The following RASSF5 variants were observed in gnomAD, a reference collection of about 807,000 sequenced individuals.
RASSF5 encodes ras association domain-containing protein 5.
A neutral mutation model predicts 40.5 loss-of-function variants in RASSF5; 25 were observed. That is an observed-to-expected ratio of 0.62 (90% CI 0.45 to 0.86). RASSF5 has a LOEUF of 0.86. Among genes scored for constraint, RASSF5 ranks in the 40% least tolerant of loss-of-function variants. The pLI, the probability that RASSF5 is intolerant of heterozygous loss-of-function variation, is 0.00. For missense variants in RASSF5, 521 were observed against 572.8 expected, an observed-to-expected ratio of 0.91 and a Z score of 0.92; for synonymous variants, 246 against 252.4, an observed-to-expected ratio of 0.97 and a Z score of 0.24.
At chr1:206,566,692 G>A (rs73080948) in intron 2 of RASSF5, among the ~76,000 whole-genome samples, 5,662 of 152,282 alleles carry the variant, frequency 0.037, 116 homozygotes, top group Admixed American at 0.049. Context: ...CTGGGAAGGC[G>A]TGGGTTCAGG....
At chr1:206,508,499 A>T (rs542321838) in intron 1 of RASSF5, among the ~76,000 whole-genome samples, 2 of 152,226 alleles carry the variant, frequency 1.3e-5, no homozygotes, top group African/African-American at 4.8e-5. Flanking sequence ...CTTGCTTATT[A>T]GGGTTACTGA....
At chr1:206,568,763 T>C (rs1049092266) in intron 2 of RASSF5, among the ~76,000 whole-genome samples, 69 of 152,354 alleles carry the variant, frequency 4.5e-4, no homozygotes, top group African/African-American at 1.6e-3. Flanking sequence ...TTTCACTCTT[T>C]GGCTCTCAGA....
rs1400078040 is a variant in RASSF5, at chr1:206,585,181, G to A, written c.990G>A (p.Val330=). Residue 330 remains valine (V), a splice_region_variant and synonymous_variant, in exon 5 of 6, where the codon GTG becomes GTA. Coordinates refer to ENST00000579436, the MANE Select transcript of RASSF5 (RefSeq NM_182663.4). ...LFKRIHKDGQ[V]LFQKLSIADR... is the part of the protein sequence containing the mutation. ...CCAGCACCCTCTCTTGGTTTGCAGT[G>A]CTCTTCCAGAAACTCTCCATTGCTG... 1 of 1,612,944 alleles carries A rather than the reference G, an allele frequency of 6.2e-7. No individual in the cohort carries two copies. Among genetic ancestry groups the A allele is most frequent in the African/African-American group, 1.3e-5 (1 of 74,878 alleles).
intron 2 of RASSF5, among the ~76,000 whole-genome samples, chr1:206,550,022 G>C (rs1369897418): frequency 2.0e-5 from 3 of 152,026 alleles, no homozygotes; most frequent in Non-Finnish European, 2.9e-5. Context: ...CTGTGAACTC[G>C]GGCTGCCTTT....
chr1:206,540,284 G>C (rs1405329809), intron 2 of RASSF5, among the ~76,000 whole-genome samples: 1 of 152,252 alleles, frequency 6.6e-6, no homozygotes, highest in Admixed American at 6.5e-5. Context: ...CCTGGAGTTG[G>C]CTGGATTCGT....
At chr1:206,540,256 C>CA (rs1490932091) in intron 2 of RASSF5, among the ~76,000 whole-genome samples, 1 of 152,220 alleles carries the variant, frequency 6.6e-6, no homozygotes, top group Non-Finnish European at 1.5e-5. Context: ...GTGTGGCAGG[C>CA]AAAAGGCCCA....
chr1:206,581,671 A>G (rs1668885473), intron 2 of RASSF5, among the ~76,000 whole-genome samples: 1 of 150,928 alleles, frequency 6.6e-6, no homozygotes, highest in African/African-American at 2.5e-5. Flanking sequence ...GAAGGAAGGA[A>G]GGAAAGAAAG....
intron 2 of RASSF5, among the ~76,000 whole-genome samples, chr1:206,539,815 A>C (rs1667500853): frequency 6.6e-6 from 1 of 152,204 alleles, no homozygotes. Context: ...AGGAGGTTAC[A>C]TAGTACACCA....
intron 1 of RASSF5, among the ~76,000 whole-genome samples, chr1:206,510,096 A>G (rs1666577132): frequency 6.6e-6 from 1 of 152,202 alleles, no homozygotes; most frequent in South Asian, 2.1e-4. Flanking sequence ...CTGGATGGCA[A>G]AAGTTGAGAA....
In RASSF5 at chr1:206,534,920, C is replaced by G. The variant is rs1228534991; in HGVS notation, c.458-3252C>G. Among the ~76,000 whole-genome samples the G allele has an allele frequency of 2.0e-5, 3 of 152,170 alleles. No homozygotes were observed. In the South Asian group the frequency reaches 6.2e-4, roughly 32 times the overall value. ...TCCACCCAGAGTTTCACTTTTCCCT[C>G]CCTCCTTCCTCATCCAAACTGAGCA... On this transcript the variant is annotated intron_variant, in intron 1 of 5. Transcript: ENST00000579436.
chr1:206,514,385 G>A (rs1666697875), intron 1 of RASSF5, among the ~76,000 whole-genome samples: 1 of 152,234 alleles, frequency 6.6e-6, no homozygotes, highest in African/African-American at 2.4e-5. Context: ...AATGCAAGAT[G>A]TGCATGCTGA....
chr1:206,524,639 ATATATAT>A (rs1218396355), intron 1 of RASSF5, among the ~76,000 whole-genome samples: 95 of 138,068 alleles, frequency 6.9e-4, no homozygotes, highest in Admixed American at 1.7e-3. Flanking sequence ...AATATATAAA[ATATATAT>A]TATATATTAT....
intron 2 of RASSF5, among the ~76,000 whole-genome samples, chr1:206,549,924 C>T (rs766478643): frequency 1.3e-5 from 2 of 152,198 alleles, no homozygotes; most frequent in Non-Finnish European, 2.9e-5. Context: ...CCCATGCACA[C>T]ACCGATCAGT....
At chr1:206,566,667 G>A (rs1251442553) in intron 2 of RASSF5, among the ~76,000 whole-genome samples, 3 of 152,172 alleles carry the variant, frequency 2.0e-5, no homozygotes, top group South Asian at 4.1e-4. Context: ...CTATAATGTC[G>A]ATGCTCACAA....
intron 2 of RASSF5, among the ~76,000 whole-genome samples, chr1:206,573,172 G>T (rs1668509592): frequency 1.3e-5 from 2 of 152,206 alleles, no homozygotes; most frequent in Non-Finnish European, 2.9e-5. Flanking sequence ...ATTTCACAAA[G>T]AAATCAGTCT....
intron 1 of RASSF5, among the ~76,000 whole-genome samples, chr1:206,517,382 G>A (rs1666778217): frequency 6.6e-6 from 1 of 152,108 alleles, no homozygotes; most frequent in Non-Finnish European, 1.5e-5. Flanking sequence ...GGGGGTGGGA[G>A]AATCACTTGA....
intron 2 of RASSF5, among the ~76,000 whole-genome samples, chr1:206,562,858 C>T (rs1265808405): frequency 6.6e-6 from 1 of 151,790 alleles, no homozygotes; most frequent in Non-Finnish European, 1.5e-5. Context: ...GGAGGCGGAG[C>T]TTGCAGTAAG....
chr1:206,533,530 A>G (rs1276595074), intron 1 of RASSF5, among the ~76,000 whole-genome samples: 1 of 152,098 alleles, frequency 6.6e-6, no homozygotes, highest in Non-Finnish European at 1.5e-5. Context: ...CTGAAGTGGG[A>G]GGATCACTTG....
intron 2 of RASSF5, chr1:206,557,289 T>G: frequency 8.2e-7 from 1 of 1,224,402 alleles, no homozygotes; most frequent in Non-Finnish European, 1.0e-6. Context: ...CCCGGACGAG[T>G]CAGGGAGTGA....
Sources: gnomAD v4.1 joint callset for allele counts (sites outside exome capture counted in the v4.1 genomes callset) on GRCh38, gnomAD v4.1.1 for gene constraint, MANE v1.5 for transcripts, NCBI Gene and HGNC (gene_info 2026-07-23, HGNC 2026-07-21) for gene names.